Variants in ERBB4 observed in about 807,000 individuals in gnomAD.
ERBB4 encodes receptor tyrosine-protein kinase erbB-4.
ERBB4 carries 42 observed loss-of-function variants against 158.0 expected under a neutral mutation model. The ratio of observed to expected loss-of-function variants is 0.27; its 90% CI spans 0.21 to 0.34. ERBB4 has a LOEUF of 0.34. Ranked by LOEUF, ERBB4 falls within the 10% of genes least tolerant of loss-of-function variation. The pLI, the probability that ERBB4 is intolerant of heterozygous loss-of-function variation, is 1.00. For synonymous variants in ERBB4, 583 were observed against 558.7 expected (o/e 1.04, Z -0.61); for missense variants, 1,333 against 1,624.1 (o/e 0.82, Z 3.08).
chr2:212,039,355 T>C (rs1447391389), intron 2 of ERBB4, among the ~76,000 whole-genome samples: 1 of 152,182 alleles, frequency 6.6e-6, no homozygotes, highest in East Asian at 1.9e-4. Flanking sequence ...TTTTTATATA[T>C]GGTTGAACTA....
At chr2:212,418,693 AAAGT>A (rs775615650) in intron 1 of ERBB4, among the ~76,000 whole-genome samples, 5 of 151,810 alleles carry the variant, frequency 3.3e-5, no homozygotes, top group African/African-American at 4.8e-5. Context: ...CTTCTTAACA[AAAGT>A]AATTGTGCCT....
chr2:211,894,074 G>T (rs1171538262), intron 3 of ERBB4, among the ~76,000 whole-genome samples: 14 of 133,378 alleles, frequency 1.0e-4, no homozygotes, highest in African/African-American at 3.2e-4. Context: ...TATACCCAAA[G>T]GACTATAAAT....
intron 2 of ERBB4, among the ~76,000 whole-genome samples, chr2:212,027,945 A>T (rs993314103): frequency 1.3e-5 from 2 of 152,116 alleles, no homozygotes; most frequent in Non-Finnish European, 2.9e-5. Context: ...GATTCAACGT[A>T]CAACTCATAA....
intron 1 of ERBB4, among the ~76,000 whole-genome samples, chr2:212,220,896 T>C (rs1172244905): frequency 2.6e-5 from 4 of 151,578 alleles, no homozygotes; most frequent in African/African-American, 9.7e-5. Context: ...ACAATGATCA[T>C]ATTTATTTTT....
At chr2:212,281,060 ATTC>A in intron 1 of ERBB4, among the ~76,000 whole-genome samples, 1 of 151,756 alleles carries the variant, frequency 6.6e-6, no homozygotes, top group East Asian at 1.9e-4. Flanking sequence ...ATTTACTAAA[ATTC>A]TTCTTCACAA....
chr2:212,444,841 G>A (rs1039656196), intron 1 of ERBB4, among the ~76,000 whole-genome samples: 2 of 152,058 alleles, frequency 1.3e-5, no homozygotes, highest in African/African-American at 4.8e-5. Flanking sequence ...CAGCTACCTG[G>A]TGGCAGGTTG....
chr2:212,314,314 CA>C (rs1242973289), intron 1 of ERBB4, among the ~76,000 whole-genome samples: 3 of 150,724 alleles, frequency 2.0e-5, no homozygotes, highest in Non-Finnish European at 4.5e-5. Context: ...TTTTTTCAAG[CA>C]CTTTTTTTCT....
At chr2:212,015,105 TATATATAA>T (rs2076495958) in intron 2 of ERBB4, among the ~76,000 whole-genome samples, 1 of 82,636 alleles carries the variant, frequency 1.2e-5, no homozygotes, top group African/African-American at 5.3e-5. Flanking sequence ...TATATATATA[TATATATAA>T]AAATTAGCCG....
At chr2:211,767,830 A>G (rs1386198866) in intron 4 of ERBB4, among the ~76,000 whole-genome samples, 1 of 152,206 alleles carries the variant, frequency 6.6e-6, no homozygotes, top group African/African-American at 2.4e-5. Flanking sequence ...GGGTGAGGAC[A>G]CAGCCAAACC....
chr2:211,962,133 T>C (rs1438537649), intron 2 of ERBB4, among the ~76,000 whole-genome samples: 1 of 152,120 alleles, frequency 6.6e-6, no homozygotes, highest in Non-Finnish European at 1.5e-5. Context: ...ATGTATTCAT[T>C]TTGTGAAGTT....
intron 2 of ERBB4, among the ~76,000 whole-genome samples, chr2:212,035,750 G>A (rs2076998131): frequency 6.6e-6 from 1 of 152,148 alleles, no homozygotes; most frequent in Non-Finnish European, 1.5e-5. Flanking sequence ...TCCCTGGCAT[G>A]TAATATGCAC....
At chr2:212,174,084 GA>G (rs1162515617) in intron 1 of ERBB4, among the ~76,000 whole-genome samples, 3 of 152,022 alleles carry the variant, frequency 2.0e-5, no homozygotes, top group African/African-American at 7.2e-5. Context: ...TGAACTGATA[GA>G]AAACTGCAGG....
intron 18 of ERBB4, among the ~76,000 whole-genome samples, chr2:211,619,856 CAT>C (rs1004540873): frequency 6.6e-6 from 1 of 152,060 alleles, no homozygotes; most frequent in Non-Finnish European, 1.5e-5. Context: ...ATATTGAGCA[CAT>C]ATTAATTTGT....
intron 12 of ERBB4, among the ~76,000 whole-genome samples, chr2:211,685,547 T>G (rs561107396): frequency 6.6e-5 from 10 of 152,218 alleles, no homozygotes; most frequent in Non-Finnish European, 1.3e-4. Flanking sequence ...TGAAAATATG[T>G]GGACTGAATA....
chr2:211,691,604 A>G (rs10168766), intron 12 of ERBB4, among the ~76,000 whole-genome samples: 88,186 of 128,972 alleles, frequency 0.68, 28,143 homozygotes, highest in Middle Eastern at 0.75. Flanking sequence ...GTGTGTGTGT[A>G]TATATATAAC....
At chr2:212,000,847 C>A (rs2076086547) in intron 2 of ERBB4, among the ~76,000 whole-genome samples, 1 of 151,580 alleles carries the variant, frequency 6.6e-6, no homozygotes, top group African/African-American at 2.4e-5. Flanking sequence ...AGTATTATCT[C>A]AGGACATTAC....
chr2:211,973,978 G>T (rs1470587729), intron 2 of ERBB4, among the ~76,000 whole-genome samples: 1 of 152,084 alleles, frequency 6.6e-6, no homozygotes, highest in South Asian at 2.1e-4. Context: ...ACTAACACAA[G>T]AACAGAAAAC....
chr2:211,739,745 A>C (rs2106178650), intron 5 of ERBB4, among the ~76,000 whole-genome samples: 1 of 152,366 alleles, frequency 6.6e-6, no homozygotes, highest in Non-Finnish European at 1.5e-5. Flanking sequence ...TTGGGATTAC[A>C]GGCGTGAGCC....
At chr2:212,444,634 C>T (rs2092315221) in intron 1 of ERBB4, among the ~76,000 whole-genome samples, 1 of 152,172 alleles carries the variant, frequency 6.6e-6, no homozygotes, top group Non-Finnish European at 1.5e-5. Context: ...TTTCCCCAGC[C>T]ACCTCCGTCA....
Sources: gnomAD v4.1 joint callset for allele counts (sites outside exome capture counted in the v4.1 genomes callset) on GRCh38, gnomAD v4.1.1 for gene constraint, MANE v1.5 for transcripts, NCBI Gene and HGNC (gene_info 2026-07-23, HGNC 2026-07-21) for gene names.